Variants in EPHA7 observed in about 807,000 individuals in gnomAD.
The protein encoded by EPHA7 is ephrin type-A receptor 7.
EPHA7 carries 25 observed loss-of-function variants against 112.6 expected under a neutral mutation model. The ratio of observed to expected loss-of-function variants is 0.22; its 90% CI spans 0.16 to 0.31. The LOEUF (loss-of-function observed/expected upper bound fraction) is 0.31, where lower values mean the gene tolerates loss of function less well. EPHA7 is among the 10% of genes least tolerant of loss of function. The pLI is 1.00. For synonymous variants in EPHA7, 437 were observed against 406.5 expected, an observed-to-expected ratio of 1.07 and a Z score of -0.90; for missense variants, 962 against 1,212.6, an observed-to-expected ratio of 0.79 and a Z score of 3.07.
intron 5 of EPHA7, among the ~76,000 whole-genome samples, chr6:93,288,001 CAGCCACTATGTAAA>C (rs1334799691): frequency 2.0e-5 from 3 of 152,132 alleles, no homozygotes. Context: ...CAAAGTGGTG[CAGCCACTATGTAAA>C]AGCAGTTTTT....
chr6:93,381,746 T>C (rs928651619), intron 3 of EPHA7, among the ~76,000 whole-genome samples: 1 of 151,184 alleles, frequency 6.6e-6, no homozygotes, highest in Non-Finnish European at 1.5e-5. Context: ...TTTTTTCTTA[T>C]ACCTGTGATC....
Position 93,242,871 on chromosome 6 carries a change from C to T in EPHA7, c.*555G>A, listed in dbSNP as rs1769745554. ...GTTCTAACAGAGATGTATCTTCAATCATGCTATTTCTTTTGAAATTTGAGA... is the reference window on the plus strand; with the variant it reads ...GTTCTAACAGAGATGTATCTTCAATTATGCTATTTCTTTTGAAATTTGAGA... On this transcript the variant is annotated 3_prime_UTR_variant, in exon 17 of 17. Transcript: ENST00000369303. The T allele has an allele frequency of 4.7e-6, 1 of 214,116 alleles. No individual in the cohort carries two copies. Among genetic ancestry groups the T allele is most frequent in the African/African-American group, 2.3e-5 (1 of 44,328 alleles). 13.3% of individuals were successfully genotyped at this position (214,116 alleles called of 1,614,324 possible).
At chr6:93,358,158 G>C in intron 4 of EPHA7, 98 bp downstream of exon 4, 1 of 913,462 alleles carries the variant, frequency 1.1e-6, no homozygotes, top group Non-Finnish European at 1.5e-6. Context: ...GTATAATTAA[G>C]AATGTATCAC....
At chr6:93,353,147 T>A (rs978982518) in intron 5 of EPHA7, among the ~76,000 whole-genome samples, 1 of 152,102 alleles carries the variant, frequency 6.6e-6, no homozygotes, top group South Asian at 2.1e-4. Flanking sequence ...AGAATAAGGG[T>A]CATAATGTCA....
At chr6:93,290,602 C>CCT (rs1772308820) in intron 5 of EPHA7, among the ~76,000 whole-genome samples, 1 of 151,932 alleles carries the variant, frequency 6.6e-6, no homozygotes, top group African/African-American at 2.4e-5. Context: ...TCCTTTCTTT[C>CCT]CTCTCTCTCT....
chr6:93,372,050 T>C (rs1053229316), intron 3 of EPHA7, among the ~76,000 whole-genome samples: 4 of 152,164 alleles, frequency 2.6e-5, no homozygotes, highest in African/African-American at 9.6e-5. Context: ...TTTGGGTAAA[T>C]GTTCAAAAGA....
intron 5 of EPHA7, among the ~76,000 whole-genome samples, chr6:93,289,738 T>A (rs114026110): frequency 0.014 from 2,078 of 152,326 alleles, 66 homozygotes; most frequent in African/African-American, 0.047. Context: ...GTTCTCTCAT[T>A]ACATTTTGTC....
chr6:93,418,448 T>C (rs1421818310), intron 1 of EPHA7, among the ~76,000 whole-genome samples: 2 of 152,210 alleles, frequency 1.3e-5, no homozygotes, highest in Non-Finnish European at 2.9e-5. Context: ...GGGCAAATAA[T>C]TGGGGACTTT....
intron 14 of EPHA7, among the ~76,000 whole-genome samples, chr6:93,248,572 C>T (rs1770062867): frequency 6.6e-6 from 1 of 152,104 alleles, no homozygotes. Flanking sequence ...TATCACCTCT[C>T]TTCCCAATCC....
At chr6:93,365,633 T>C (rs983940712) in intron 3 of EPHA7, among the ~76,000 whole-genome samples, 8 of 152,120 alleles carry the variant, frequency 5.3e-5, no homozygotes, top group African/African-American at 1.7e-4. Context: ...TATTCTATGA[T>C]TTTTCACGTT....
At chr6:93,244,177 T>C (rs904731205) in intron 16 of EPHA7, among the ~76,000 whole-genome samples, 2 of 152,172 alleles carry the variant, frequency 1.3e-5, no homozygotes, top group Non-Finnish European at 2.9e-5. Context: ...CCAGATACAA[T>C]GAGCTGATGT....
At chr6:93,322,121 C>G (rs1189841246) in intron 5 of EPHA7, among the ~76,000 whole-genome samples, 1 of 151,698 alleles carries the variant, frequency 6.6e-6, no homozygotes, top group Non-Finnish European at 1.5e-5. Flanking sequence ...TGTACAGATG[C>G]ATACACGCAC....
chr6:93,310,792 C>T (rs559599751), intron 5 of EPHA7, among the ~76,000 whole-genome samples: 5 of 152,192 alleles, frequency 3.3e-5, no homozygotes, highest in Admixed American at 6.5e-5. Context: ...GAACCTTCAG[C>T]GAGTCATAAT....
At chr6:93,370,690 A>G (rs1776745014) in intron 3 of EPHA7, among the ~76,000 whole-genome samples, 1 of 152,176 alleles carries the variant, frequency 6.6e-6, no homozygotes, top group Non-Finnish European at 1.5e-5. Flanking sequence ...TACATTTCAT[A>G]TGTCTCTAAG....
At chr6:93,400,016 T>A (rs1778362367) in intron 3 of EPHA7, among the ~76,000 whole-genome samples, 1 of 152,018 alleles carries the variant, frequency 6.6e-6, no homozygotes, top group South Asian at 2.1e-4. Flanking sequence ...CCCAAAGAAC[T>A]TTTGTGTTAT....
chr6:93,268,624 T>C (rs1265065648), intron 7 of EPHA7, among the ~76,000 whole-genome samples: 2 of 151,682 alleles, frequency 1.3e-5, no homozygotes, highest in East Asian at 1.9e-4. Context: ...CTCCAAAATA[T>C]AGAAACATGT....
At chr6:93,277,347 T>A (rs751911626) in intron 5 of EPHA7, among the ~76,000 whole-genome samples, 1 of 152,052 alleles carries the variant, frequency 6.6e-6, no homozygotes, top group Non-Finnish European at 1.5e-5. Flanking sequence ...CAGTGTATCA[T>A]GTAACACAGC....
chr6:93,318,617 T>C (rs555140957), intron 5 of EPHA7, among the ~76,000 whole-genome samples: 35 of 152,250 alleles, frequency 2.3e-4, no homozygotes, highest in African/African-American at 7.9e-4. Flanking sequence ...AAAAGTACTA[T>C]GTCATTTTGT....
intron 5 of EPHA7, among the ~76,000 whole-genome samples, chr6:93,288,096 T>G (rs2127832614): frequency 6.6e-6 from 1 of 152,150 alleles, no homozygotes; most frequent in Non-Finnish European, 1.5e-5. Context: ...CCGCAAGAAA[T>G]GAAAACACAG....
Sources: allele counts gnomAD v4.1 joint callset (sites outside exome capture counted in the v4.1 genomes callset), GRCh38; gene constraint gnomAD v4.1.1; transcripts MANE v1.5; gene names NCBI Gene and HGNC (gene_info 2026-07-23, HGNC 2026-07-21).